Variants in COL28A1 observed in about 807,000 individuals in gnomAD.
The protein encoded by COL28A1 is collagen alpha-1(XXVIII) chain.
COL28A1 carries 161 observed loss-of-function variants against 150.2 expected under a neutral mutation model. The ratio of observed to expected loss-of-function variants is 1.07; its 90% CI spans 0.94 to 1.22. COL28A1 has a LOEUF of 1.22. Among genes scored for constraint, COL28A1 ranks in the 50% most tolerant of loss-of-function variants. The pLI is 0.00. For missense variants in COL28A1, 1,617 were observed against 1,388.3 expected (o/e 1.16, Z -2.62); for synonymous variants, 552 against 469.7 (o/e 1.18, Z -2.26).
chr7:7,432,983 G>A (rs369671897), intron 23 of COL28A1, among the ~76,000 whole-genome samples: 5 of 152,082 alleles, frequency 3.3e-5, no homozygotes, highest in African/African-American at 9.7e-5. Flanking sequence ...CTATTGTTGC[G>A]TTAAATCTAT....
At chr7:7,431,607 G>T (rs1784978579) in intron 25 of COL28A1, 1 of 471,018 alleles carries the variant, frequency 2.1e-6, no homozygotes, top group Non-Finnish European at 4.4e-6. Context: ...CTGCAGTCGG[G>T]GCATGAAGGA....
chr7:7,531,830 G>A lies in COL28A1; in HGVS notation c.199C>T (p.Gln67Ter). ...CTCAAGCTATCCACAAAATCTTTCT[G>A]TTTATCAAAGAGGGCAATTTTAGAA... ...ESSKIALFDK[Q>*]KDFVDSLSDK... The change falls in exon 3 of 35, where the codon CAG (glutamine) becomes TAG (stop). Residue 67 changes from glutamine to a stop codon, truncating the protein, a stop_gained. Coordinates refer to ENST00000399429, the MANE Select transcript of COL28A1 (RefSeq NM_001037763.3). LOFTEE classifies it high-confidence loss of function. The A allele has an allele frequency of 6.2e-7, 1 of 1,606,222 alleles. No individual in the cohort carries two copies. The highest frequency in any genetic ancestry group is 1.7e-4 in the Middle Eastern group (1 of 6,054).
rs17461022 is a variant in COL28A1, at chr7:7,494,950, A to G, written c.1027-4304T>C. On this transcript the variant is annotated intron_variant, in intron 11 of 34. Coordinates refer to ENST00000399429, the MANE Select transcript of COL28A1 (RefSeq NM_001037763.3). The stretch of plus-strand genomic sequence containing the variant: ...CAAAAGTTACAGAAGAAGAAAGAGC[A>G]TGAGGCTTAAAATGGTGTTAAATAT... Among the ~76,000 whole-genome samples the G allele has an allele frequency of 4.6e-3, 706 of 152,306 alleles. 5 individuals are homozygous for G. Among genetic ancestry groups the G allele is most frequent in the East Asian group, 0.022 (114 of 5,174 alleles).
intron 27 of COL28A1, among the ~76,000 whole-genome samples, chr7:7,390,388 G>C (rs2128293732): frequency 6.6e-6 from 1 of 152,290 alleles, no homozygotes; most frequent in East Asian, 1.9e-4. Flanking sequence ...GCTGGATTCA[G>C]TTTGCCAGTA....
At chr7:7,523,902 C>G (rs1370297809) in intron 4 of COL28A1, among the ~76,000 whole-genome samples, 1 of 152,164 alleles carries the variant, frequency 6.6e-6, no homozygotes, top group Non-Finnish European at 1.5e-5. Context: ...AAATAGAGGA[C>G]CTGATGTGGC....
At chr7:7,516,087 T>A (rs1230669743) in intron 7 of COL28A1, among the ~76,000 whole-genome samples, 2 of 152,258 alleles carry the variant, frequency 1.3e-5, no homozygotes, top group African/African-American at 4.8e-5. Context: ...TTTTTCCATA[T>A]CCAGTTTCTT....
intron 13 of COL28A1, among the ~76,000 whole-genome samples, chr7:7,486,002 G>T (rs1018542515): frequency 6.6e-6 from 1 of 152,048 alleles, no homozygotes; most frequent in Non-Finnish European, 1.5e-5. Context: ...AATCTTGCTG[G>T]GGTATCAAAA....
At chr7:7,497,358 G>A (rs1332735023) in intron 11 of COL28A1, among the ~76,000 whole-genome samples, 5 of 152,194 alleles carry the variant, frequency 3.3e-5, no homozygotes, top group Non-Finnish European at 7.4e-5. Flanking sequence ...CTATGTGACT[G>A]ACGTGTATTA....
intron 6 of COL28A1, among the ~76,000 whole-genome samples, chr7:7,518,444 G>A (rs991545542): frequency 3.9e-5 from 6 of 152,100 alleles, no homozygotes; most frequent in Admixed American, 1.3e-4. Flanking sequence ...TTGACAAGCA[G>A]ACAATTGCCA....
In COL28A1 at chr7:7,360,636, T is replaced by C. The variant is rs927189427; in HGVS notation, c.3067-108A>G. 1.3e-5 allele frequency: 12 copies of C among 948,694 alleles called. No homozygotes were observed. In the African/African-American group the frequency reaches 1.7e-4, roughly 13 times the overall value. The allele number at this position is 948,694 out of a possible 1,614,324, so 58.8% of individuals were successfully genotyped here. On this transcript the variant is annotated intron_variant, in intron 33 of 34. Transcript: ENST00000399429. Reference sequence around the variant, plus strand: ...CTAGTTCAGCCATGCTGTGTTTCCCTAGCTCTCTGATACTAACTATTTCAA... The same window carrying C: ...CTAGTTCAGCCATGCTGTGTTTCCCCAGCTCTCTGATACTAACTATTTCAA...
chr7:7,367,509 C>CT (rs1356984346), intron 33 of COL28A1, among the ~76,000 whole-genome samples: 1 of 152,168 alleles, frequency 6.6e-6, no homozygotes. Flanking sequence ...CAAGGTCCCA[C>CT]TATCTGGGTC....
chr7:7,465,633 G>C lies in COL28A1; in HGVS notation c.1302+8968C>G, dbSNP rs1363517995. The stretch of plus-strand genomic sequence containing the variant: ...TCAAGGAGGCCTGCCTGCCTCTGTA[G>C]GCTCCACCTCTGGGGGCAGGGCACA... On this transcript the variant is annotated intron_variant, in intron 15 of 34. Coordinates refer to ENST00000399429, the MANE Select transcript of COL28A1 (RefSeq NM_001037763.3). 8.1e-5 allele frequency among the ~76,000 whole-genome samples: 10 copies of C among 123,372 alleles called. No individual in the cohort carries two copies. In the East Asian group the frequency reaches 2.4e-3, roughly 30 times the overall value. The allele number at this position is 123,372 out of a possible 152,430, so 80.9% of individuals were successfully genotyped here. A position where few individuals can be genotyped will look rare whatever the true frequency, so the allele number is the denominator to read the frequency against.
intron 13 of COL28A1, among the ~76,000 whole-genome samples, chr7:7,484,973 T>G (rs1779542727): frequency 6.6e-6 from 1 of 152,078 alleles, no homozygotes; most frequent in Non-Finnish European, 1.5e-5. Flanking sequence ...GGGGCCCACT[T>G]GAAGGTGGAG....
the COL28A1 span, among the ~76,000 whole-genome samples, chr7:7,338,600 T>G: frequency 6.6e-6 from 1 of 152,122 alleles, no homozygotes; most frequent in African/African-American, 2.4e-5. Flanking sequence ...TGGTGGAGTC[T>G]TTAGGGGTTT....
intron 25 of COL28A1, among the ~76,000 whole-genome samples, chr7:7,420,566 C>T (rs1784341693): frequency 6.6e-6 from 1 of 152,204 alleles, no homozygotes. Context: ...TCTGTATTCC[C>T]AAGACTATGC....
At chr7:7,413,952 A>C (rs1783926194) in intron 27 of COL28A1, among the ~76,000 whole-genome samples, 1 of 152,226 alleles carries the variant, frequency 6.6e-6, no homozygotes, top group Admixed American at 6.5e-5. Flanking sequence ...AATTGTGTTT[A>C]TATAAGGACT....
chr7:7,389,024 C>T (rs950271805), intron 27 of COL28A1, among the ~76,000 whole-genome samples: 1 of 152,096 alleles, frequency 6.6e-6, no homozygotes, highest in African/African-American at 2.4e-5. Context: ...TCAATTTTGG[C>T]TTTGGTCGCC....
chr7:7,395,185 T>C (rs1782767416), intron 27 of COL28A1, among the ~76,000 whole-genome samples: 1 of 151,972 alleles, frequency 6.6e-6, no homozygotes, highest in African/African-American at 2.4e-5. Context: ...CCCAGCTACT[T>C]GGGAGGCTGA....
rs145456710 is a variant in COL28A1, at chr7:7,397,358, C to T, written c.2137-15746G>A. Among the ~76,000 whole-genome samples the T allele has an allele frequency of 4.7e-4, 72 of 152,246 alleles. 1 individual carries two copies. The highest frequency in any genetic ancestry group is 1.5e-3 in the African/African-American group (64 of 41,550). On this transcript the variant is annotated intron_variant, in intron 27 of 34. Coordinates refer to ENST00000399429, the MANE Select transcript of COL28A1 (RefSeq NM_001037763.3). ...ACATTCGGGCCTTATATTCAAGGCC[C>T]ACCCAGATAATCCAGGATAATCTCC... is the stretch of plus-strand genomic sequence containing the variant.
Sources: gnomAD v4.1 joint callset for allele counts (sites outside exome capture counted in the v4.1 genomes callset) on GRCh38, gnomAD v4.1.1 for gene constraint, MANE v1.5 for transcripts, NCBI Gene and HGNC (gene_info 2026-07-23, HGNC 2026-07-21) for gene names.